The following PALM2AKAP2 variants were observed in gnomAD, a reference collection of about 807,000 sequenced individuals.
PALM2AKAP2 encodes PALM2-AKAP2 fusion protein.
Under a neutral mutation model 71.5 loss-of-function variants are expected in PALM2AKAP2, and 37 were observed. That is an observed-to-expected ratio of 0.52 (90% CI 0.40 to 0.68). The LOEUF (loss-of-function observed/expected upper bound fraction) is 0.68. Among genes scored for constraint, PALM2AKAP2 ranks in the 30% least tolerant of loss-of-function variants. The pLI, the probability that PALM2AKAP2 is intolerant of heterozygous loss-of-function variation, is 0.00. For missense variants in PALM2AKAP2, 1,224 were observed against 1,191.8 expected (o/e 1.03, Z -0.40); for synonymous variants, 468 against 478.8 (o/e 0.98, Z 0.29).
chr9:109,841,546 G>A (rs1170131290), intron 1 of PALM2AKAP2, among the ~76,000 whole-genome samples: 1 of 64,412 alleles, frequency 1.6e-5, no homozygotes, highest in Non-Finnish European at 3.0e-5. Flanking sequence ...GTGGAGAGAT[G>A]GAGGGGAGGG....
At position 110,010,996 on chromosome 9, in the gene PALM2AKAP2, CAA is replaced by C. The variant is rs754903953; in HGVS notation, c.497-4940_497-4939del. 5.3e-3 allele frequency among the ~76,000 whole-genome samples: 286 copies of C among 54,278 alleles called. 2 individuals are homozygous for C. The highest frequency in any genetic ancestry group is 0.019 in the East Asian group (49 of 2,620). The allele number at this position is 54,278 out of a possible 152,430, so 35.6% of individuals were successfully genotyped here. A position where few individuals can be genotyped will look rare whatever the true frequency, so the allele number is the denominator to read the frequency against. On this transcript the variant is annotated intron_variant, in intron 6 of 9. Coordinates refer to the PALM2AKAP2 transcript ENST00000302798. ...GGGCAACAAGAGCGAAACTCTGTCT[CAA>C]AAAAAAAAAAAAAAAAATATATATA...
chr9:109,838,733 A>G (rs1319277553), intron 1 of PALM2AKAP2, among the ~76,000 whole-genome samples: 1 of 152,232 alleles, frequency 6.6e-6, no homozygotes, highest in Non-Finnish European at 1.5e-5. Context: ...CTACCATCAG[A>G]GAATACTATA....
At chr9:109,928,123 A>G (rs1349499670) in intron 5 of PALM2AKAP2, among the ~76,000 whole-genome samples, 1 of 152,158 alleles carries the variant, frequency 6.6e-6, no homozygotes, top group Admixed American at 6.5e-5. Context: ...TTATTTTGAG[A>G]TGGAGTTTCA....
At chr9:109,857,098 G>A (rs1829188850) in intron 1 of PALM2AKAP2, among the ~76,000 whole-genome samples, 1 of 152,132 alleles carries the variant, frequency 6.6e-6, no homozygotes, top group Admixed American at 6.5e-5. Context: ...CTCCAGGCCT[G>A]GCACGTCTTC....
intron 1 of PALM2AKAP2, among the ~76,000 whole-genome samples, chr9:109,814,733 C>T (rs1346763781): frequency 2.0e-5 from 3 of 152,196 alleles, no homozygotes; most frequent in Non-Finnish European, 4.4e-5. Flanking sequence ...TAATTTTGAA[C>T]ACATGTATAT....
chr9:110,000,053 C>T (rs1378681549), intron 6 of PALM2AKAP2, among the ~76,000 whole-genome samples: 1 of 150,884 alleles, frequency 6.6e-6, no homozygotes, highest in Non-Finnish European at 1.5e-5. Flanking sequence ...GGTACATGTG[C>T]ACAACATGCA....
intron 2 of PALM2AKAP2, among the ~76,000 whole-genome samples, chr9:110,146,619 G>T (rs1564333758): frequency 6.6e-6 from 1 of 152,190 alleles, no homozygotes; most frequent in Non-Finnish European, 1.5e-5. Context: ...CCAGGCTTGG[G>T]AGCAGGATGT....
intron 1 of PALM2AKAP2, among the ~76,000 whole-genome samples, chr9:109,656,404 T>C (rs372784189): frequency 6.6e-6 from 1 of 152,162 alleles, no homozygotes; most frequent in African/African-American, 2.4e-5. Flanking sequence ...ATATCTTCCT[T>C]TTGCAAACTT....
intron 1 of PALM2AKAP2, among the ~76,000 whole-genome samples, chr9:109,680,508 G>A (rs1827711946): frequency 6.6e-6 from 1 of 152,188 alleles, no homozygotes; most frequent in Admixed American, 6.5e-5. Context: ...CTTTTTCTGT[G>A]CCATGGATCT....
At chr9:109,823,495 A>G (rs528007690) in intron 1 of PALM2AKAP2, among the ~76,000 whole-genome samples, 3 of 152,288 alleles carry the variant, frequency 2.0e-5, no homozygotes, top group South Asian at 4.1e-4. Context: ...GCAGCTTTCA[A>G]TTATTTAAAG....
intron 1 of PALM2AKAP2, among the ~76,000 whole-genome samples, chr9:109,651,666 G>A (rs1232354202): frequency 2.0e-5 from 3 of 152,092 alleles, no homozygotes; most frequent in Non-Finnish European, 1.5e-5. Flanking sequence ...TCCAATATAG[G>A]GAAGAGATAT....
At chr9:109,663,867 G>T (rs1156718747) in intron 1 of PALM2AKAP2, among the ~76,000 whole-genome samples, 1 of 152,182 alleles carries the variant, frequency 6.6e-6, no homozygotes, top group African/African-American at 2.4e-5. Context: ...GACTCTGGGT[G>T]CTGCTGTATT....
intron 1 of PALM2AKAP2, among the ~76,000 whole-genome samples, chr9:109,861,903 G>A (rs990953775): frequency 6.6e-6 from 1 of 152,106 alleles, no homozygotes; most frequent in Admixed American, 6.6e-5. Context: ...TTGAATGAGG[G>A]ATATGGACAA....
intron 1 of PALM2AKAP2, among the ~76,000 whole-genome samples, chr9:109,744,821 T>C (rs79786453): frequency 0.043 from 6,508 of 152,250 alleles, 191 homozygotes; most frequent in Non-Finnish European, 0.053. Context: ...ATCACAATGA[T>C]GTCTGTCAAA....
chr9:109,928,830 C>A (rs1282493434), intron 5 of PALM2AKAP2, among the ~76,000 whole-genome samples: 1 of 152,048 alleles, frequency 6.6e-6, no homozygotes, highest in Non-Finnish European at 1.5e-5. Context: ...CACCACCAGT[C>A]CAAATTTTTG....
At chr9:110,022,200 C>A (rs1375611408) in intron 7 of PALM2AKAP2, among the ~76,000 whole-genome samples, 1 of 152,128 alleles carries the variant, frequency 6.6e-6, no homozygotes, top group Non-Finnish European at 1.5e-5. Context: ...CCTCTTTATC[C>A]GGTCTACTTG....
chr9:109,671,117 T>A (rs1827565538), intron 1 of PALM2AKAP2, among the ~76,000 whole-genome samples: 1 of 152,200 alleles, frequency 6.6e-6, no homozygotes, highest in African/African-American at 2.4e-5. Flanking sequence ...AGAAGCTCTT[T>A]AGGTTTAATT....
At chr9:109,779,507 A>G (rs1829399799), upstream of PALM2AKAP2, among the ~76,000 whole-genome samples, 2 of 152,044 alleles carry the variant, frequency 1.3e-5, no homozygotes, top group Non-Finnish European at 2.9e-5. Context: ...GTCTCTAATG[A>G]CACCTATGTG....
chr9:109,753,090 G>C (rs1828908507), intron 1 of PALM2AKAP2, among the ~76,000 whole-genome samples: 1 of 152,110 alleles, frequency 6.6e-6, no homozygotes, highest in Non-Finnish European at 1.5e-5. Context: ...ATGCCACTTG[G>C]AGTTTCCAAG....
Sources: gnomAD v4.1 joint callset for allele counts (sites outside exome capture counted in the v4.1 genomes callset) on GRCh38, gnomAD v4.1.1 for gene constraint, MANE v1.5 for transcripts, NCBI Gene and HGNC (gene_info 2026-07-23, HGNC 2026-07-21) for gene names.